The following PRKCA variants were observed in gnomAD, a reference collection of about 807,000 sequenced individuals.
The protein encoded by PRKCA is protein kinase C alpha type.
In PRKCA, 27 loss-of-function variants were observed where a neutral mutation model predicts 87.0. The observed-to-expected ratio is 0.31, with a 90% CI of 0.23 to 0.43. The LOEUF (loss-of-function observed/expected upper bound fraction) is 0.43, where lower values mean the gene tolerates loss of function less well. PRKCA is among the 20% of genes least tolerant of loss of function. PRKCA has a pLI of 1.00. For synonymous variants in PRKCA, 329 were observed against 311.1 expected (o/e 1.06, Z -0.61); for missense variants, 518 against 852.3 (o/e 0.61, Z 4.88).
intron 3 of PRKCA, among the ~76,000 whole-genome samples, chr17:66,541,414 T>C (rs920060602): frequency 6.6e-6 from 1 of 152,208 alleles, no homozygotes; most frequent in African/African-American, 2.4e-5. Context: ...CCTTTATTGT[T>C]TTTTTCCTCT....
intron 3 of PRKCA, among the ~76,000 whole-genome samples, chr17:66,604,601 A>T (rs1448351064): frequency 3.3e-5 from 5 of 152,174 alleles, no homozygotes; most frequent in Admixed American, 3.3e-4. Context: ...CACACTACTT[A>T]ATTAGGATTC....
At chr17:66,722,797 C>T (rs1973646586) in intron 8 of PRKCA, among the ~76,000 whole-genome samples, 1 of 152,180 alleles carries the variant, frequency 6.6e-6, no homozygotes, top group East Asian at 1.9e-4. Context: ...GTTGTTGAAT[C>T]ATAGCCAATA....
At position 66,645,517 on chromosome 17, in the gene PRKCA, G is replaced by C; in HGVS notation, c.529+6G>C. On this transcript the variant is annotated splice_donor_region_variant and intron_variant, in intron 5 of 16. Coordinates refer to ENST00000413366, the MANE Select transcript of PRKCA (RefSeq NM_002737.3). ...TGAAAAGCTCCATGTCACAGGTAAG[G>C]CTTGCTCATCCCGGAGCAGCATCGT... 1 of 1,614,134 alleles carries C rather than the reference G, an allele frequency of 6.2e-7. No homozygotes were observed. Among genetic ancestry groups the C allele is most frequent in the Non-Finnish European group, 8.5e-7 (1 of 1,179,990 alleles).
At chr17:66,658,311 C>G (rs1971793160) in intron 5 of PRKCA, among the ~76,000 whole-genome samples, 1 of 152,108 alleles carries the variant, frequency 6.6e-6, no homozygotes, top group Non-Finnish European at 1.5e-5. Flanking sequence ...GAAACCCCCT[C>G]TCTACTAAAA....
At chr17:66,484,675 A>G (rs1265521358) in intron 2 of PRKCA, among the ~76,000 whole-genome samples, 1 of 152,158 alleles carries the variant, frequency 6.6e-6, no homozygotes. Flanking sequence ...ACATTTTCAT[A>G]TATCTGGAAA....
chr17:66,464,646 A>G (rs960458503), intron 2 of PRKCA, among the ~76,000 whole-genome samples: 2 of 152,196 alleles, frequency 1.3e-5, no homozygotes, highest in Non-Finnish European at 2.9e-5. Context: ...TTTCACATGC[A>G]TATTTGCCAT....
intron 3 of PRKCA, among the ~76,000 whole-genome samples, chr17:66,533,270 A>G (rs1057087684): frequency 1.3e-5 from 2 of 152,162 alleles, no homozygotes; most frequent in African/African-American, 2.4e-5. Flanking sequence ...ATGTATCTGC[A>G]TTTGGTTTGC....
intron 2 of PRKCA, among the ~76,000 whole-genome samples, chr17:66,310,938 G>T (rs1905059888): frequency 6.6e-6 from 1 of 152,138 alleles, no homozygotes; most frequent in Non-Finnish European, 1.5e-5. Context: ...GGATCTGTCT[G>T]TCCTCCCTAT....
At chr17:66,764,335 T>C (rs1974750908) in intron 13 of PRKCA, among the ~76,000 whole-genome samples, 1 of 152,056 alleles carries the variant, frequency 6.6e-6, no homozygotes, top group African/African-American at 2.4e-5. Context: ...GCTCCTGGAG[T>C]CCCATCCTCT....
intron 3 of PRKCA, among the ~76,000 whole-genome samples, chr17:66,549,280 C>T (rs887920933): frequency 3.9e-5 from 6 of 151,986 alleles, no homozygotes; most frequent in East Asian, 3.9e-4. Context: ...GGGTGGAGCT[C>T]GGATGCATGC....
intron 3 of PRKCA, among the ~76,000 whole-genome samples, chr17:66,567,472 C>G (rs1287724153): frequency 6.6e-6 from 1 of 152,170 alleles, no homozygotes; most frequent in Admixed American, 6.5e-5. Flanking sequence ...TCCTGCCAGG[C>G]CACAGGCAGG....
intron 2 of PRKCA, among the ~76,000 whole-genome samples, chr17:66,332,792 C>T (rs1048415439): frequency 4.0e-5 from 6 of 151,206 alleles, no homozygotes; most frequent in Admixed American, 6.6e-5. Context: ...CCCAGGTTCA[C>T]GCCATTCTCC....
intron 3 of PRKCA, among the ~76,000 whole-genome samples, chr17:66,497,382 G>C (rs1009136053): frequency 1.3e-4 from 20 of 152,012 alleles, no homozygotes; most frequent in African/African-American, 4.3e-4. Context: ...TGAGATCCTA[G>C]CTCCTCAGGA....
At chr17:66,745,061 CT>C (rs1237885632) in intron 13 of PRKCA, among the ~76,000 whole-genome samples, 2 of 152,212 alleles carry the variant, frequency 1.3e-5, no homozygotes, top group Non-Finnish European at 2.9e-5. Flanking sequence ...CTTAATTTGC[CT>C]CTGCAAAATC....
chr17:66,437,335 C>A (rs1446910445), intron 2 of PRKCA, among the ~76,000 whole-genome samples: 1 of 152,070 alleles, frequency 6.6e-6, no homozygotes, highest in Non-Finnish European at 1.5e-5. Flanking sequence ...TAAATATCTG[C>A]CTGTGACTGG....
chr17:66,677,824 T>A (rs1016244776), intron 5 of PRKCA, among the ~76,000 whole-genome samples: 4 of 152,252 alleles, frequency 2.6e-5, no homozygotes, highest in Admixed American at 1.3e-4. Context: ...AAGGCCTCTT[T>A]GTTAATTCAG....
chr17:66,773,857 A>G (rs977971053), intron 13 of PRKCA, 130 bp from the exon 14 acceptor site: 1 of 1,460,486 alleles, frequency 6.8e-7, no homozygotes, highest in Non-Finnish European at 9.3e-7. Context: ...TTGGCGTAAC[A>G]TCAAAGACAG....
intron 3 of PRKCA, among the ~76,000 whole-genome samples, chr17:66,551,910 T>G (rs1968347551): frequency 6.6e-6 from 1 of 152,228 alleles, no homozygotes. Context: ...TGTAGGATTT[T>G]GTTATTTTAT....
At chr17:66,484,753 C>T (rs1250105971) in intron 2 of PRKCA, among the ~76,000 whole-genome samples, 1 of 152,100 alleles carries the variant, frequency 6.6e-6, no homozygotes, top group Non-Finnish European at 1.5e-5. Context: ...CAACTATTAC[C>T]AATCTTGTTT....
Sources: allele counts gnomAD v4.1 joint callset (sites outside exome capture counted in the v4.1 genomes callset), GRCh38; gene constraint gnomAD v4.1.1; transcripts MANE v1.5; gene names NCBI Gene and HGNC (gene_info 2026-07-23, HGNC 2026-07-21).